PARD3B: variants seen among roughly 807,000 people sequenced by gnomAD.
PARD3B encodes partitioning defective 3 homolog B.
In PARD3B, 103 loss-of-function variants were observed where a neutral mutation model predicts 130.2. The observed-to-expected ratio is 0.79, with a 90% CI of 0.67 to 0.93. The LOEUF is 0.93. Among genes scored for constraint, PARD3B ranks in the 40% least tolerant of loss-of-function variants. PARD3B has a pLI of 0.00. For synonymous variants in PARD3B, 583 were observed against 553.2 expected (o/e 1.05, Z -0.76); for missense variants, 1,609 against 1,499.2 (o/e 1.07, Z -1.21).
At chr2:205,217,890 A>ATTTTTTTT (rs1278697689) in intron 15 of PARD3B, among the ~76,000 whole-genome samples, 5 of 42,080 alleles carry the variant, frequency 1.2e-4, no homozygotes, top group African/African-American at 3.9e-4. Flanking sequence ...ATATATATAT[A>ATTTTTTTT]TATATTTTTT....
intron 2 of PARD3B, among the ~76,000 whole-genome samples, chr2:204,920,535 A>C (rs934840500): frequency 6.6e-6 from 1 of 152,204 alleles, no homozygotes; most frequent in Admixed American, 6.5e-5. Context: ...ATTCTCTTTG[A>C]AAAAATTCCC....
chr2:205,305,367 C>G (rs2042152916), intron 18 of PARD3B, among the ~76,000 whole-genome samples: 1 of 152,134 alleles, frequency 6.6e-6, no homozygotes, highest in African/African-American at 2.4e-5. Context: ...ATAATGGCCT[C>G]CCATACATTT....
chr2:205,322,889 C>CTTTTTTTTTTTTTTTTTTTTT lies in PARD3B; in HGVS notation c.2630+21210_2630+21230dup, dbSNP rs71032461. ...TGTTGTTATATCATTATTAACACCT[C>CTTTTTTTTTTTTTTTTTTTTT]TTTTTTTTTTTTTTTTTTTTTTTTT... On this transcript the variant is annotated intron_variant, in intron 18 of 22. Coordinates refer to ENST00000406610, the MANE Select transcript of PARD3B (RefSeq NM_001302769.2). Among the ~76,000 whole-genome samples, 7 of 51,468 alleles carry CTTTTTTTTTTTTTTTTTTTTT rather than the reference C, an allele frequency of 1.4e-4. 3 individuals carry two copies. The highest frequency in any genetic ancestry group is 1.3e-3 in the Admixed American group (4 of 3,034). 33.8% of individuals were successfully genotyped at this position (51,468 alleles called of 152,430 possible). A position where few individuals can be genotyped will look rare whatever the true frequency, so the allele number is the denominator to read the frequency against.
intron 1 of PARD3B, among the ~76,000 whole-genome samples, chr2:204,646,605 T>C (rs1559027317): frequency 6.6e-6 from 1 of 152,024 alleles, no homozygotes; most frequent in East Asian, 1.9e-4. Flanking sequence ...GACATACCAG[T>C]GTGTACATAC....
intron 1 of PARD3B, among the ~76,000 whole-genome samples, chr2:204,582,631 G>A (rs1232957791): frequency 1.3e-5 from 2 of 152,138 alleles, no homozygotes; most frequent in Non-Finnish European, 2.9e-5. Context: ...GATTAGGGAG[G>A]AGCTCCCCTC....
At chr2:205,070,759 G>A (rs1700677920) in intron 4 of PARD3B, among the ~76,000 whole-genome samples, 1 of 152,132 alleles carries the variant, frequency 6.6e-6, no homozygotes, top group Admixed American at 6.5e-5. Context: ...TGTTCTACTT[G>A]AAACAATAGG....
intron 21 of PARD3B, among the ~76,000 whole-genome samples, chr2:205,549,546 C>T (rs573364563): frequency 3.9e-5 from 6 of 152,178 alleles, no homozygotes; most frequent in South Asian, 2.1e-4. Context: ...GAAAAGACTG[C>T]GTACTGTGTG....
At chr2:205,304,891 G>A (rs2042137017) in intron 18 of PARD3B, among the ~76,000 whole-genome samples, 1 of 152,206 alleles carries the variant, frequency 6.6e-6, no homozygotes, top group African/African-American at 2.4e-5. Flanking sequence ...GATACAGTGA[G>A]CCATGATCCC....
At chr2:204,989,169 G>C (rs1296242114) in intron 3 of PARD3B, among the ~76,000 whole-genome samples, 1 of 152,130 alleles carries the variant, frequency 6.6e-6, no homozygotes, top group African/African-American at 2.4e-5. Context: ...AGCTGGGGAG[G>C]GTAAGTTCAA....
chr2:205,491,167 A>G, intron 20 of PARD3B, among the ~76,000 whole-genome samples: 1 of 152,202 alleles, frequency 6.6e-6, no homozygotes, highest in Non-Finnish European at 1.5e-5. Flanking sequence ...TGTTTTAGAC[A>G]TGAAGTCCTT....
intron 18 of PARD3B, among the ~76,000 whole-genome samples, chr2:205,380,148 A>G (rs864049): frequency 0.082 from 9,690 of 118,150 alleles, 683 homozygotes; most frequent in Non-Finnish European, 0.12. Context: ...TAAAGAATAT[A>G]TATTATATAA....
chr2:205,338,546 G>A (rs191048828), intron 18 of PARD3B, among the ~76,000 whole-genome samples: 2 of 152,214 alleles, frequency 1.3e-5, no homozygotes, highest in East Asian at 3.9e-4. Context: ...CTTTTACTGG[G>A]AGTAAGCACC....
rs1375423181 is a variant in PARD3B at position 205,125,633 on chromosome 2, C to T, written c.1330C>T (p.Arg444Ter). ...GGTAAATGGGAGAGATGTCACCGGA[C>T]GAACCCAGGAAGAGCTTGTGGCCAT... The part of the protein sequence containing the change: ...LEVNGRDVTG[R>*]TQEELVAMLR... The change falls in exon 10 of 23, where the codon CGA (arginine) becomes TGA (stop). Residue 444 changes from arginine (R) to a stop codon, truncating the protein, a stop_gained. Coordinates refer to ENST00000406610, the MANE Select transcript of PARD3B (RefSeq NM_001302769.2). LOFTEE classifies it high-confidence loss of function. The surrounding 1 kb of genome is among the most constrained non-coding windows in gnomAD (Gnocchi z 4.0). The T allele has an allele frequency of 6.8e-6, 11 of 1,613,792 alleles. No homozygotes were observed. Among genetic ancestry groups the T allele is most frequent in the East Asian group, 2.2e-5 (1 of 44,866 alleles).
chr2:205,165,773 A>AT (rs2034778123), intron 11 of PARD3B, among the ~76,000 whole-genome samples: 1 of 147,810 alleles, frequency 6.8e-6, no homozygotes, highest in Non-Finnish European at 1.5e-5. Context: ...AAATAAATAA[A>AT]AGCTTCATAT....
intron 15 of PARD3B, among the ~76,000 whole-genome samples, chr2:205,227,694 ATAAG>A (rs1429683895): frequency 3.9e-5 from 6 of 152,060 alleles, no homozygotes; most frequent in Admixed American, 3.9e-4. Context: ...TTTGTTATTG[ATAAG>A]TAAGGTCTTA....
chr2:204,816,041 A>G (rs1237695509), intron 2 of PARD3B, among the ~76,000 whole-genome samples: 2 of 151,996 alleles, frequency 1.3e-5, no homozygotes, highest in Admixed American at 1.3e-4. Flanking sequence ...GTTGAATCAA[A>G]TATTGTGATA....
rs751418931 is a variant in PARD3B at position 205,119,017 on chromosome 2, TG to T, written c.778del (p.Val260TrpfsTer4). 6.2e-7 allele frequency: 1 copy of T among 1,609,194 alleles called. No homozygotes were observed. The highest frequency in any genetic ancestry group is 1.1e-5 in the South Asian group (1 of 89,934). ...ENECIVKINNVDLVDKTFAQA... is the reference protein window; with the variant it reads ...ENECIVKINNXDLVDKTFAQA... ...ATGAATGTATTGTAAAAATCAACAA[TG>T]TGGATCTCGTAGACAAAACCTTTGC... On this transcript the variant is annotated frameshift_variant, in exon 7 of 23. Coordinates refer to ENST00000406610, the MANE Select transcript of PARD3B (RefSeq NM_001302769.2). LOFTEE classifies it high-confidence loss of function.
At chr2:205,500,630 T>C (rs2050124311) in intron 21 of PARD3B, among the ~76,000 whole-genome samples, 1 of 152,178 alleles carries the variant, frequency 6.6e-6, no homozygotes, top group African/African-American at 2.4e-5. Context: ...ATTCACTCTC[T>C]TGTTTTCAAG....
intron 16 of PARD3B, among the ~76,000 whole-genome samples, chr2:205,296,679 G>A (rs1309093513): frequency 6.6e-6 from 1 of 151,686 alleles, no homozygotes; most frequent in Non-Finnish European, 1.5e-5. Flanking sequence ...GTGTGTGTGT[G>A]TGTGTGTGTG....
Sources: allele counts gnomAD v4.1 joint callset (sites outside exome capture counted in the v4.1 genomes callset), GRCh38; gene constraint gnomAD v4.1.1; non-coding constraint Gnocchi (gnomAD v3.1); transcripts MANE v1.5; gene names NCBI Gene and HGNC (gene_info 2026-07-23, HGNC 2026-07-21).